OR9Q1: variants seen among roughly 807,000 people sequenced by gnomAD.
The protein encoded by OR9Q1 is olfactory receptor 9Q1.
For synonymous variants in OR9Q1, 153 were observed against 148.6 expected (o/e 1.03, Z -0.22); for missense variants, 374 against 378.8 (o/e 0.99, Z 0.11).
intron 2 of OR9Q1, among the ~76,000 whole-genome samples, chr11:58,173,569 C>G (rs1854576372): frequency 6.6e-6 from 1 of 151,876 alleles, no homozygotes; most frequent in South Asian, 2.1e-4. Context: ...CAAGTCTTTG[C>G]TATTGTGAAT....
intron 2 of OR9Q1, among the ~76,000 whole-genome samples, chr11:58,081,793 CTTTT>C (rs201892501): frequency 4.7e-5 from 6 of 128,154 alleles, no homozygotes; most frequent in Non-Finnish European, 4.9e-5. Context: ...ATGATAGTTT[CTTTT>C]TTTTTTTTTT....
At chr11:58,037,694 T>TATATATAG (rs1853120522) in intron 1 of OR9Q1, among the ~76,000 whole-genome samples, 2 of 6,274 alleles carry the variant, frequency 3.2e-4, no homozygotes, top group African/African-American at 6.0e-4. Flanking sequence ...TATATATTTT[T>TATATATAG]TTTTTTTTTT....
intron 1 of OR9Q1, among the ~76,000 whole-genome samples, chr11:58,034,771 T>TTCCTTCCTTCCTTCCTTCG: frequency 1.1e-5 from 1 of 94,470 alleles, no homozygotes. Flanking sequence ...TCCTTCCTTC[T>TTCCTTCCTTCCTTCCTTCG]TCCTTCCCTC....
At chr11:58,115,828 C>A (rs191244874) in intron 2 of OR9Q1, among the ~76,000 whole-genome samples, 4 of 152,224 alleles carry the variant, frequency 2.6e-5, no homozygotes, top group Admixed American at 2.6e-4. Flanking sequence ...AATACTCAGG[C>A]AATTGCTATC....
intron 2 of OR9Q1, chr11:58,117,028 A>G (rs1853962128): frequency 6.6e-6 from 1 of 152,078 alleles, no homozygotes; most frequent in African/African-American, 2.4e-5. Flanking sequence ...TCCTCAGTTC[A>G]TTGCTTTCAT....
intron 2 of OR9Q1, among the ~76,000 whole-genome samples, chr11:58,089,021 T>C (rs1282871315): frequency 6.6e-6 from 1 of 151,578 alleles, no homozygotes; most frequent in Non-Finnish European, 1.5e-5. Flanking sequence ...GGATTACAGG[T>C]GCCCGTCACC....
intron 2 of OR9Q1, among the ~76,000 whole-genome samples, chr11:58,098,393 C>T (rs563371287): frequency 1.3e-5 from 2 of 152,100 alleles, no homozygotes; most frequent in Admixed American, 1.3e-4. Flanking sequence ...ATGCTAGTTA[C>T]AATATCTCAT....
intron 2 of OR9Q1, among the ~76,000 whole-genome samples, chr11:58,161,149 C>T (rs758794623): frequency 3.3e-5 from 5 of 150,266 alleles, no homozygotes; most frequent in South Asian, 2.1e-4. Context: ...CTGTAAATGA[C>T]GAGTTGATGG....
chr11:58,167,785 C>T (rs946566119), intron 2 of OR9Q1, among the ~76,000 whole-genome samples: 3 of 152,132 alleles, frequency 2.0e-5, no homozygotes, highest in African/African-American at 7.2e-5. Flanking sequence ...AAGCTGTTCC[C>T]ATGGCAATGG....
At chr11:58,147,570 G>A (rs1349614432) in intron 2 of OR9Q1, among the ~76,000 whole-genome samples, 1 of 152,124 alleles carries the variant, frequency 6.6e-6, no homozygotes, top group Non-Finnish European at 1.5e-5. Flanking sequence ...CTTTGTGAGT[G>A]GCAACCAATT....
At chr11:58,033,394 A>G (rs1430523378) in intron 1 of OR9Q1, among the ~76,000 whole-genome samples, 1 of 152,260 alleles carries the variant, frequency 6.6e-6, no homozygotes, top group Non-Finnish European at 1.5e-5. Flanking sequence ...AAAATGCAAT[A>G]CATATACACC....
At chr11:58,125,567 C>G (rs1323392372) in intron 2 of OR9Q1, 1 of 152,136 alleles carries the variant, frequency 6.6e-6, no homozygotes, top group Non-Finnish European at 1.5e-5. Flanking sequence ...TTTCTTCTTA[C>G]TAAGCAAACC....
chr11:58,088,130 C>T lies in OR9Q1; in HGVS notation c.-15+32183C>T, dbSNP rs112062497. On this transcript the variant is annotated intron_variant, in intron 2 of 2. Transcript: ENST00000335397. ...TGCTGGGAGTACAGGCATGAGCCAC[C>T]GCACCCGGCCTGACATGAACTCATT... 3.9e-3 allele frequency among the ~76,000 whole-genome samples: 589 copies of T among 151,838 alleles called. 15 individuals carry two copies. Among genetic ancestry groups the T allele is most frequent in the East Asian group, 0.017 (88 of 5,164 alleles).
intron 2 of OR9Q1, among the ~76,000 whole-genome samples, chr11:58,090,027 CAG>C (rs1392435461): frequency 1.3e-5 from 2 of 152,262 alleles, no homozygotes; most frequent in African/African-American, 4.8e-5. Flanking sequence ...AGTTACTTAT[CAG>C]CTTAAGGAGA....
intron 2 of OR9Q1, among the ~76,000 whole-genome samples, chr11:58,139,861 T>C (rs199661836): frequency 2.5e-5 from 2 of 79,366 alleles, no homozygotes; most frequent in South Asian, 6.0e-4. Context: ...ATCGCCACAC[T>C]GACTTCCACA....
At chr11:58,088,950 C>G (rs1187147669) in intron 2 of OR9Q1, among the ~76,000 whole-genome samples, 1 of 151,698 alleles carries the variant, frequency 6.6e-6, no homozygotes, top group Admixed American at 6.6e-5. Flanking sequence ...GATCTTGGCT[C>G]ACTGCAACCT....
chr11:58,067,679 A>G (rs1416629922), intron 2 of OR9Q1, among the ~76,000 whole-genome samples: 1 of 152,088 alleles, frequency 6.6e-6, no homozygotes, highest in Non-Finnish European at 1.5e-5. Flanking sequence ...CTACTTTCCT[A>G]TTTGGTCCTC....
chr11:58,058,996 ACTTG>A lies in OR9Q1; in HGVS notation c.-15+3052_-15+3055del, dbSNP rs148567607. The stretch of plus-strand genomic sequence containing the variant: ...AGCTGTACATTCCTGGCCTGAACAC[ACTTG>A]CTCAGGATCCACAAATGTTCTCACC... On this transcript the variant is annotated intron_variant, in intron 2 of 2. Coordinates refer to ENST00000335397, the MANE Select transcript of OR9Q1 (RefSeq NM_001005212.4). Among the ~76,000 whole-genome samples, 589 of 152,268 alleles carry A rather than the reference ACTTG, an allele frequency of 3.9e-3. 2 individuals carry two copies. The highest frequency in any genetic ancestry group is 0.014 in the Middle Eastern group (4 of 294).
intron 2 of OR9Q1, among the ~76,000 whole-genome samples, chr11:58,116,064 C>G (rs1399606607): frequency 6.6e-6 from 1 of 152,152 alleles, no homozygotes; most frequent in Non-Finnish European, 1.5e-5. Context: ...ATGTTTCCTT[C>G]TCACATAAAA....
Sources: allele counts gnomAD v4.1 joint callset (sites outside exome capture counted in the v4.1 genomes callset), GRCh38; gene constraint gnomAD v4.1.1; transcripts MANE v1.5; gene names NCBI Gene and HGNC (gene_info 2026-07-23, HGNC 2026-07-21).